TJP1: variants seen among roughly 807,000 people sequenced by gnomAD.
TJP1 encodes tight junction protein 1, also known as tight junction protein ZO-1.
A neutral mutation model predicts 194.2 loss-of-function variants in TJP1; 43 were observed. That is an observed-to-expected ratio of 0.22 (90% CI 0.17 to 0.29). The LOEUF (loss-of-function observed/expected upper bound fraction) is 0.29, where lower values mean the gene tolerates loss of function less well. TJP1 is among the 10% of genes least tolerant of loss of function. The pLI is 1.00. For missense variants in TJP1, 1,971 were observed against 2,185.7 expected (o/e 0.90, Z 1.96); for synonymous variants, 801 against 779.0 (o/e 1.03, Z -0.47).
chr15:29,926,642 C>A (rs928940745), intron 2 of TJP1, among the ~76,000 whole-genome samples: 2 of 150,688 alleles, frequency 1.3e-5, no homozygotes, highest in African/African-American at 4.9e-5. Context: ...TATTTGGGGA[C>A]AAGAAATGAA....
chr15:29,822,145 G>C lies in TJP1; in HGVS notation c.-117C>G, dbSNP rs1268992502. ...ATCTCCCGAGAGCGAGCGGGGCACG[G>C]GCGGGGGCGGCCGGAAGGGCCCGGC... On this transcript the variant is annotated 5_prime_UTR_variant, in exon 1 of 28. Transcript: ENST00000614355. The C allele has an allele frequency of 3.4e-6, 4 of 1,192,414 alleles. No individual in the cohort carries two copies. Among genetic ancestry groups the C allele is most frequent in the Non-Finnish European group, 4.2e-6 (4 of 961,190 alleles). 73.9% of individuals were successfully genotyped at this position (1,192,414 alleles called of 1,614,324 possible). A position where few individuals can be genotyped will look rare whatever the true frequency, so the allele number is the denominator to read the frequency against.
chr15:29,848,726 G>A (rs2051516654), intron 2 of TJP1, among the ~76,000 whole-genome samples: 1 of 152,104 alleles, frequency 6.6e-6, no homozygotes, highest in African/African-American at 2.4e-5. Context: ...GGGCATGGTG[G>A]CATGTGCCTG....
chr15:29,865,901 G>A (rs1276613508), intron 2 of TJP1, among the ~76,000 whole-genome samples: 2 of 152,184 alleles, frequency 1.3e-5, no homozygotes, highest in Admixed American at 6.5e-5. Flanking sequence ...GTTTTATTGA[G>A]ATCAATTCAA....
At chr15:29,750,634 C>T (rs2045210235) in intron 8 of TJP1, among the ~76,000 whole-genome samples, 1 of 152,138 alleles carries the variant, frequency 6.6e-6, no homozygotes. Flanking sequence ...CTATGAACAC[C>T]TTTCCAATCA....
Position 29,740,134 on chromosome 15 carries a change from C to T in TJP1, c.1256+1197G>A, listed in dbSNP as rs1445586179. On this transcript the variant is annotated intron_variant, in intron 10 of 27. Coordinates refer to ENST00000614355, the MANE Select transcript of TJP1 (RefSeq NM_001330239.4). ...TCCCGAGTAGCTGGGACTATAGGCG[C>T]CCAGCTAATTTTTTGTATTTTTAGT... Among the ~76,000 whole-genome samples, 3 of 151,854 alleles carry T rather than the reference C, an allele frequency of 2.0e-5. No homozygotes were observed. In the East Asian group the frequency reaches 5.8e-4, roughly 30 times the overall value.
intron 2 of TJP1, among the ~76,000 whole-genome samples, chr15:29,915,405 A>C (rs2054152705): frequency 6.6e-6 from 1 of 152,206 alleles, no homozygotes; most frequent in African/African-American, 2.4e-5. Context: ...CTTCTACATA[A>C]ATTTAACAAC....
intron 1 of TJP1, among the ~76,000 whole-genome samples, chr15:29,803,072 T>TA (rs992796732): frequency 3.3e-5 from 5 of 152,162 alleles, no homozygotes; most frequent in African/African-American, 1.2e-4. Context: ...TAGTAGGGAA[T>TA]AAAGGCTCAA....
chr15:29,949,048 C>T (rs188668752), intron 2 of TJP1, among the ~76,000 whole-genome samples: 6 of 149,328 alleles, frequency 4.0e-5, no homozygotes, highest in South Asian at 2.2e-4. Context: ...CCATCACCTC[C>T]GCCACCTCCA....
intron 11 of TJP1, among the ~76,000 whole-genome samples, chr15:29,736,257 G>A (rs926463196): frequency 6.6e-6 from 1 of 152,098 alleles, no homozygotes; most frequent in East Asian, 1.9e-4. Flanking sequence ...AAAGAAAACA[G>A]GCAAGGGCCT....
chr15:29,731,764 T>C (rs1281304340), intron 15 of TJP1, among the ~76,000 whole-genome samples: 2 of 151,154 alleles, frequency 1.3e-5, no homozygotes, highest in East Asian at 1.9e-4. Context: ...TGATTGTTTA[T>C]GGAAAGTATC....
intron 2 of TJP1, among the ~76,000 whole-genome samples, chr15:29,949,517 TCCACCACCACCACCTCCACCA>T (rs2055497909): frequency 4.8e-5 from 1 of 20,768 alleles, no homozygotes; most frequent in Admixed American, 6.0e-4. Context: ...CACCTCCACC[TCCACCACCACCACCTCCACCA>T]CCACCACCTC....
intron 2 of TJP1, among the ~76,000 whole-genome samples, chr15:29,787,021 T>C (rs985059116): frequency 2.0e-5 from 3 of 152,154 alleles, no homozygotes; most frequent in African/African-American, 4.8e-5. Flanking sequence ...TTCTACCAGA[T>C]AAAGGGAGTG....
At chr15:29,926,424 C>T (rs112775258) in intron 2 of TJP1, among the ~76,000 whole-genome samples, 7 of 152,080 alleles carry the variant, frequency 4.6e-5, no homozygotes, top group Non-Finnish European at 1.0e-4. Flanking sequence ...CCAGTCTGGC[C>T]GACATGGTGA....
chr15:29,721,661 G>A (rs922071591), intron 18 of TJP1, among the ~76,000 whole-genome samples: 2 of 152,184 alleles, frequency 1.3e-5, no homozygotes, highest in African/African-American at 4.8e-5. Context: ...GGCAGAGGTT[G>A]GAACAGTTTG....
Position 29,719,144 on chromosome 15 carries a change from T to TA in TJP1, c.3004-7dup, listed in dbSNP as rs1327268620. 8 of 1,567,980 alleles carry TA rather than the reference T, an allele frequency of 5.1e-6. No homozygotes were observed. The highest frequency in any genetic ancestry group is 2.8e-5 in the African/African-American group (2 of 72,492). On this transcript the variant is annotated splice_polypyrimidine_tract_variant and splice_region_variant and intron_variant, in intron 20 of 27. Transcript: ENST00000614355. The stretch of plus-strand genomic sequence containing the variant: ...TATGGATCCTTTCTATACACCTGTA[T>TA]AAAAAATTCACATTTAAGGACAAAG...
At chr15:29,908,527 A>G (rs1304867890) in intron 2 of TJP1, among the ~76,000 whole-genome samples, 1 of 152,186 alleles carries the variant, frequency 6.6e-6, no homozygotes, top group Non-Finnish European at 1.5e-5. Flanking sequence ...CCACCCCTGC[A>G]GCCACCCTCA....
At chr15:29,732,848 C>A (rs1288220872) in intron 13 of TJP1, 33 bp from the exon 14 acceptor site, 2 of 1,540,946 alleles carry the variant, frequency 1.3e-6, no homozygotes, top group Non-Finnish European at 1.7e-6. Context: ...AAAATAAGGG[C>A]ATTTAAAATG....
chr15:29,875,656 T>C lies in TJP1; in HGVS notation c.307-74954A>G, dbSNP rs368837628. ...ATCTCGACTCACTGCAACCTCCACC[T>C]CCCGGGTTCAAGCAATTCTCCTGCC... On this transcript the variant is annotated intron_variant, in intron 2 of 28. Coordinates refer to the TJP1 transcript ENST00000356107. Among the ~76,000 whole-genome samples the C allele has an allele frequency of 7.2e-5, 11 of 152,282 alleles. No homozygotes were observed. In the East Asian group the frequency reaches 1.9e-3, roughly 27 times the overall value.
intron 2 of TJP1, among the ~76,000 whole-genome samples, chr15:29,830,066 GAAGA>G (rs2050790082): frequency 1.3e-5 from 2 of 150,946 alleles, no homozygotes; most frequent in Non-Finnish European, 3.0e-5. Context: ...AAAACAAATT[GAAGA>G]AAGAAAATTA....
Sources: gnomAD v4.1 joint callset for allele counts (sites outside exome capture counted in the v4.1 genomes callset) on GRCh38, gnomAD v4.1.1 for gene constraint, MANE v1.5 for transcripts, NCBI Gene and HGNC (gene_info 2026-07-23, HGNC 2026-07-21) for gene names.